EFCAB6: variants seen among roughly 807,000 people sequenced by gnomAD.
The protein encoded by EFCAB6 is EF-hand calcium-binding domain-containing protein 6.
A neutral mutation model predicts 169.8 loss-of-function variants in EFCAB6; 156 were observed. The observed-to-expected ratio is 0.92, with a 90% CI of 0.81 to 1.05. The LOEUF (loss-of-function observed/expected upper bound fraction) is 1.05, where lower values mean the gene tolerates loss of function less well. Among genes scored for constraint, EFCAB6 ranks in the 50% least tolerant of loss-of-function variants. The probability of loss-of-function intolerance (pLI) is 0.00; values close to 1 mark genes in which losing one functional copy is unlikely to be tolerated. For synonymous variants in EFCAB6, 698 were observed against 676.4 expected (o/e 1.03, Z -0.50); for missense variants, 1,800 against 1,829.1 (o/e 0.98, Z 0.29).
At chr22:43,772,766 G>A (rs2061514761) in intron 4 of EFCAB6, 126 bp downstream of exon 4, 1 of 1,007,808 alleles carries the variant, frequency 9.9e-7, no homozygotes, top group Non-Finnish European at 1.4e-6. Flanking sequence ...ACTGAATTAT[G>A]AAAAACAAAA....
intron 11 of EFCAB6, 111 bp downstream of exon 11, chr22:43,687,360 G>T: frequency 1.5e-6 from 1 of 681,156 alleles, no homozygotes; most frequent in Non-Finnish European, 2.3e-6. Flanking sequence ...ATTCAATGGA[G>T]ACTAATCGAT....
chr22:43,584,516 C>T (rs993982353), intron 24 of EFCAB6, among the ~76,000 whole-genome samples: 2 of 152,024 alleles, frequency 1.3e-5, no homozygotes, highest in African/African-American at 4.8e-5. Context: ...GAGAAAGATC[C>T]CCTCAGGGTT....
At chr22:43,580,371 AAC>A in intron 25 of EFCAB6, 91 bp downstream of exon 25, 1 of 1,376,584 alleles carries the variant, frequency 7.3e-7, no homozygotes, top group South Asian at 1.3e-5. Flanking sequence ...AAGGAGAATG[AAC>A]AGAGGTGGGA....
At chr22:43,541,646 C>T (rs1270291786) in intron 27 of EFCAB6, among the ~76,000 whole-genome samples, 1 of 152,186 alleles carries the variant, frequency 6.6e-6, no homozygotes, top group Non-Finnish European at 1.5e-5. Flanking sequence ...ACTGCGGTGT[C>T]TCAGACCTCA....
chr22:43,726,620 T>C (rs545895802), intron 8 of EFCAB6, among the ~76,000 whole-genome samples: 43 of 152,194 alleles, frequency 2.8e-4, no homozygotes, highest in Admixed American at 1.4e-3. Context: ...CTTTAGGAAT[T>C]GGAAAACAGA....
At chr22:43,579,104 A>G (rs559213452) in intron 25 of EFCAB6, among the ~76,000 whole-genome samples, 67 of 149,914 alleles carry the variant, frequency 4.5e-4, no homozygotes, top group Admixed American at 7.3e-4. Context: ...CATTGTCTAC[A>G]TGCAAGCATC....
At chr22:43,529,549 T>C (rs2046935614) in intron 31 of EFCAB6, among the ~76,000 whole-genome samples, 1 of 152,232 alleles carries the variant, frequency 6.6e-6, no homozygotes, top group Admixed American at 6.5e-5. Context: ...CTAGGTATGT[T>C]CTGGCCTGAG....
At chr22:43,801,467 G>A (rs1012740385) in intron 2 of EFCAB6, among the ~76,000 whole-genome samples, 3 of 152,256 alleles carry the variant, frequency 2.0e-5, no homozygotes, top group Non-Finnish European at 4.4e-5. Context: ...CAATCTACTC[G>A]TAACTCTAGC....
chr22:43,782,359 T>C, intron 2 of EFCAB6, 34 bp from the exon 3 acceptor site: 1 of 1,596,564 alleles, frequency 6.3e-7, no homozygotes, highest in Non-Finnish European at 8.6e-7. Flanking sequence ...TACGTTACCT[T>C]AAAGAGCATA....
intron 22 of EFCAB6, among the ~76,000 whole-genome samples, chr22:43,607,363 G>C (rs779250189): frequency 2.0e-5 from 3 of 152,192 alleles, no homozygotes; most frequent in African/African-American, 4.8e-5. Flanking sequence ...CTGTACCATA[G>C]CTACCTGTGT....
At chr22:43,757,794 T>C (rs2061012095) in intron 5 of EFCAB6, among the ~76,000 whole-genome samples, 1 of 152,162 alleles carries the variant, frequency 6.6e-6, no homozygotes. Context: ...TTTCCTTATC[T>C]ACATCTTGCT....
In EFCAB6 at chr22:43,550,189, G is replaced by A. The variant is rs541105082; in HGVS notation, c.3648+4680C>T. On this transcript the variant is annotated intron_variant, in intron 27 of 31. Coordinates refer to ENST00000262726, the MANE Select transcript of EFCAB6 (RefSeq NM_022785.4). ...TAGGGCACCTGGAGGAGCCTGGGGG[G>A]TACTGTGCATCCCCACTTCACCGAG... is the stretch of plus-strand genomic sequence containing the variant. Among the ~76,000 whole-genome samples, 36 of 152,218 alleles carry A rather than the reference G, an allele frequency of 2.4e-4. No homozygotes were observed. The South Asian group carries it at 6.8e-3, about 29-fold the overall frequency.
chr22:43,750,436 C>G (rs1018256016), intron 6 of EFCAB6, among the ~76,000 whole-genome samples: 3 of 152,166 alleles, frequency 2.0e-5, no homozygotes, highest in Non-Finnish European at 4.4e-5. Context: ...AACAGTGTCT[C>G]AGATACAATC....
intron 8 of EFCAB6, among the ~76,000 whole-genome samples, chr22:43,731,150 G>A (rs754550166): frequency 6.6e-6 from 1 of 152,148 alleles, no homozygotes; most frequent in Non-Finnish European, 1.5e-5. Context: ...CCAGCAGGCC[G>A]ACAACCCTGG....
chr22:43,589,280 C>CAAAAAAAAAAAAAA (rs1163346832), intron 24 of EFCAB6, among the ~76,000 whole-genome samples: 2 of 80,958 alleles, frequency 2.5e-5, no homozygotes, highest in Non-Finnish European at 4.8e-5. Flanking sequence ...GACTTCATGT[C>CAAAAAAAAAAAAAA]AAAAAAAAAA....
In EFCAB6 at chr22:43,782,173, T is replaced by C. The variant is rs372958177; in HGVS notation, c.139+7A>G. On this transcript the variant is annotated splice_region_variant and intron_variant, in intron 3 of 31. Coordinates refer to ENST00000262726, the MANE Select transcript of EFCAB6 (RefSeq NM_022785.4). Reference sequence around the variant, plus strand: ...GTTAGTGTTCTTATTTGCTCATGAATACTTACTTGAAGAAGATCTGAACTT... The same window carrying C: ...GTTAGTGTTCTTATTTGCTCATGAACACTTACTTGAAGAAGATCTGAACTT... 3.1e-6 allele frequency: 5 copies of C among 1,610,912 alleles called. No individual in the cohort carries two copies. The highest frequency in any genetic ancestry group is 1.3e-5 in the African/African-American group (1 of 74,826).
chr22:43,790,460 A>G (rs1280473640), intron 2 of EFCAB6, among the ~76,000 whole-genome samples: 1 of 152,258 alleles, frequency 6.6e-6, no homozygotes, highest in East Asian at 1.9e-4. Flanking sequence ...AAGGCAGGCA[A>G]TAAACAAATT....
intron 10 of EFCAB6, among the ~76,000 whole-genome samples, chr22:43,706,214 C>T (rs573520439): frequency 6.6e-6 from 1 of 152,352 alleles, no homozygotes; most frequent in South Asian, 2.1e-4. Flanking sequence ...TGCCAGGCCC[C>T]AGAACATACC....
chr22:43,652,241 A>C (rs1166356141), intron 17 of EFCAB6, among the ~76,000 whole-genome samples: 1 of 152,170 alleles, frequency 6.6e-6, no homozygotes, highest in Admixed American at 6.5e-5. Flanking sequence ...TGTTCTCTTG[A>C]TGGTGAATAA....
Sources: allele counts gnomAD v4.1 joint callset (sites outside exome capture counted in the v4.1 genomes callset), GRCh38; gene constraint gnomAD v4.1.1; transcripts MANE v1.5; gene names NCBI Gene and HGNC (gene_info 2026-07-23, HGNC 2026-07-21).